The following ZNF804B variants were observed in gnomAD, a reference collection of about 807,000 sequenced individuals.
ZNF804B encodes the protein zinc finger protein 804B.
A neutral mutation model predicts 101.4 loss-of-function variants in ZNF804B; 80 were observed. The observed-to-expected ratio is 0.79, with a 90% confidence interval of 0.66 to 0.95. The LOEUF (loss-of-function observed/expected upper bound fraction) is 0.95, where lower values mean the gene tolerates loss of function less well. ZNF804B is among the 40% of genes least tolerant of loss of function. The pLI is 0.00. For missense variants in ZNF804B, 1,673 were observed against 1,561.9 expected (o/e 1.07, Z -1.20); for synonymous variants, 622 against 558.8 (o/e 1.11, Z -1.59).
At chr7:88,908,961 A>G (rs919977621) in intron 1 of ZNF804B, among the ~76,000 whole-genome samples, 1 of 151,828 alleles carries the variant, frequency 6.6e-6, no homozygotes, top group Non-Finnish European at 1.5e-5. Context: ...TGAGATATAT[A>G]CCACTGCAGA....
intron 1 of ZNF804B, among the ~76,000 whole-genome samples, chr7:88,821,114 C>G (rs1363774056): frequency 6.6e-6 from 1 of 152,136 alleles, no homozygotes; most frequent in African/African-American, 2.4e-5. Context: ...TAGGGCATGA[C>G]TTAAAATATA....
intron 1 of ZNF804B, among the ~76,000 whole-genome samples, chr7:89,027,886 T>C (rs1243551977): frequency 6.6e-6 from 1 of 152,198 alleles, no homozygotes; most frequent in Non-Finnish European, 1.5e-5. Context: ...TTCTGCTTTT[T>C]CTAGTGGGTA....
At chr7:88,875,431 AAAG>A (rs1791915764) in intron 1 of ZNF804B, among the ~76,000 whole-genome samples, 1 of 152,198 alleles carries the variant, frequency 6.6e-6, no homozygotes, top group Admixed American at 6.5e-5. Context: ...ATAAAGAAAA[AAAG>A]AGAGAAGAAT....
intron 1 of ZNF804B, among the ~76,000 whole-genome samples, chr7:89,010,591 G>A (rs998282946): frequency 4.6e-5 from 7 of 152,084 alleles, no homozygotes; most frequent in South Asian, 4.1e-4. Flanking sequence ...TTCAATAAAA[G>A]CACTTAATGG....
chr7:89,263,073 G>A lies in ZNF804B; in HGVS notation c.249+44778G>A, dbSNP rs981586366. ...CTTCGTTAGTGACTGTGAGAAAGTG[G>A]CATCCCTTGGCAGCTGTTTTTCTGA... On this transcript the variant is annotated intron_variant, in intron 2 of 3. Transcript: ENST00000333190. 2.6e-5 allele frequency among the ~76,000 whole-genome samples: 4 copies of A among 152,170 alleles called. No homozygotes were observed. The East Asian group carries it at 7.7e-4, about 29-fold the overall frequency.
intron 2 of ZNF804B, among the ~76,000 whole-genome samples, chr7:89,245,162 A>G (rs1387482683): frequency 1.3e-5 from 2 of 152,316 alleles, no homozygotes; most frequent in East Asian, 1.9e-4. Context: ...AAAATTACAA[A>G]CATAACTATG....
At chr7:88,903,739 A>G (rs938270159) in intron 1 of ZNF804B, among the ~76,000 whole-genome samples, 3 of 152,096 alleles carry the variant, frequency 2.0e-5, no homozygotes, top group Non-Finnish European at 4.4e-5. Flanking sequence ...TCTGTTGGCC[A>G]CTTGCATGTC....
At chr7:89,205,077 G>A (rs554933768) in intron 1 of ZNF804B, among the ~76,000 whole-genome samples, 5 of 152,220 alleles carry the variant, frequency 3.3e-5, no homozygotes, top group East Asian at 1.9e-4. Context: ...AGGCAAGAGC[G>A]CATGTGCAGG....
At chr7:89,267,799 A>C (rs1789823780) in intron 2 of ZNF804B, among the ~76,000 whole-genome samples, 3 of 152,170 alleles carry the variant, frequency 2.0e-5, no homozygotes. Context: ...TTGTTTCTTA[A>C]CATAGAAAGT....
intron 1 of ZNF804B, among the ~76,000 whole-genome samples, chr7:88,811,627 G>A (rs1341651153): frequency 6.6e-6 from 1 of 152,164 alleles, no homozygotes; most frequent in East Asian, 1.9e-4. Context: ...TATACACCTG[G>A]AGTACTATGC....
At chr7:88,852,148 T>C (rs1322182384) in intron 1 of ZNF804B, among the ~76,000 whole-genome samples, 4 of 152,118 alleles carry the variant, frequency 2.6e-5, no homozygotes, top group Non-Finnish European at 5.9e-5. Flanking sequence ...ATTCAGCATC[T>C]GGTTGTACTT....
intron 1 of ZNF804B, among the ~76,000 whole-genome samples, chr7:89,061,788 T>A (rs1789384652): frequency 1.3e-5 from 2 of 152,110 alleles, no homozygotes; most frequent in Admixed American, 1.3e-4. Context: ...TAATATCATA[T>A]CTTACTGTCT....
intron 1 of ZNF804B, among the ~76,000 whole-genome samples, chr7:89,165,326 C>A (rs1361539629): frequency 1.3e-5 from 2 of 151,816 alleles, no homozygotes; most frequent in East Asian, 1.9e-4. Context: ...GGGGTTTATA[C>A]AAAAGATAGA....
intron 2 of ZNF804B, among the ~76,000 whole-genome samples, chr7:89,265,770 A>G (rs1789782837): frequency 1.3e-5 from 2 of 152,214 alleles, no homozygotes; most frequent in Admixed American, 1.3e-4. Flanking sequence ...AACAGCAGTA[A>G]TATATCTTCT....
intron 1 of ZNF804B, among the ~76,000 whole-genome samples, chr7:88,823,666 A>G (rs915208225): frequency 6.6e-6 from 1 of 152,080 alleles, no homozygotes; most frequent in Non-Finnish European, 1.5e-5. Flanking sequence ...CACCCTTCTC[A>G]GTCCCCAGGT....
chr7:89,280,219 A>G (rs1434292816), intron 2 of ZNF804B, among the ~76,000 whole-genome samples: 1 of 151,992 alleles, frequency 6.6e-6, no homozygotes, highest in African/African-American at 2.4e-5. Context: ...ATGAGAACAA[A>G]GACACAACAT....
chr7:89,043,447 T>G (rs1789049686), intron 1 of ZNF804B, among the ~76,000 whole-genome samples: 1 of 152,198 alleles, frequency 6.6e-6, no homozygotes, highest in Admixed American at 6.5e-5. Flanking sequence ...TACAAACATC[T>G]AATTTTTGTG....
At chr7:89,285,752 G>T (rs867391457) in intron 2 of ZNF804B, among the ~76,000 whole-genome samples, 11 of 151,750 alleles carry the variant, frequency 7.2e-5, no homozygotes, top group Admixed American at 6.6e-4. Context: ...TGCAAATGCA[G>T]TTGGGTTTGT....
intron 2 of ZNF804B, among the ~76,000 whole-genome samples, chr7:89,273,916 C>A (rs1342290202): frequency 4.7e-5 from 6 of 128,952 alleles, no homozygotes; most frequent in Non-Finnish European, 8.2e-5. Context: ...ACACATTAAT[C>A]TCAATAAGAG....
Sources: gnomAD v4.1 joint callset for allele counts (sites outside exome capture counted in the v4.1 genomes callset) on GRCh38, gnomAD v4.1.1 for gene constraint, MANE v1.5 for transcripts, NCBI Gene and HGNC (gene_info 2026-07-23, HGNC 2026-07-21) for gene names.